DYNC1LI1: variants seen among roughly 807,000 people sequenced by gnomAD.
DYNC1LI1 encodes dynein cytoplasmic 1 light intermediate chain 1, also known as cytoplasmic dynein 1 light intermediate chain 1.
DYNC1LI1 carries 19 observed loss-of-function variants against 63.8 expected under a neutral mutation model. The observed-to-expected ratio is 0.30, with a 90% CI of 0.21 to 0.44. The LOEUF (loss-of-function observed/expected upper bound fraction) is 0.44. Ranked by LOEUF, DYNC1LI1 falls within the 20% of genes least tolerant of loss-of-function variation. DYNC1LI1 has a pLI of 1.00. For synonymous variants in DYNC1LI1, 225 were observed against 232.3 expected, an observed-to-expected ratio of 0.97 and a Z score of 0.28; for missense variants, 565 against 630.2, an observed-to-expected ratio of 0.90 and a Z score of 1.11.
chr3:32,570,460 G>T (rs1443460393), intron 1 of DYNC1LI1, 41 bp from the exon 2 acceptor site: 17 of 1,545,792 alleles, frequency 1.1e-5, no homozygotes, highest in African/African-American at 1.4e-5. Flanking sequence ...GGAGGCCGGA[G>T]CCGCAGCGCG....
At chr3:32,558,768 C>T (rs1339458762) in intron 2 of DYNC1LI1, among the ~76,000 whole-genome samples, 2 of 151,926 alleles carry the variant, frequency 1.3e-5, no homozygotes, top group Non-Finnish European at 1.5e-5. Flanking sequence ...ATCCCTTGAA[C>T]CCAGGAGGCA....
chr3:32,535,142 A>C (rs1445709634), intron 6 of DYNC1LI1, among the ~76,000 whole-genome samples: 2 of 152,190 alleles, frequency 1.3e-5, no homozygotes, highest in Non-Finnish European at 2.9e-5. Context: ...AAAGAAACCC[A>C]ATGTTGAAAG....
chr3:32,533,174 G>A, intron 7 of DYNC1LI1, 77 bp from the exon 8 acceptor site: 7 of 1,444,760 alleles, frequency 4.8e-6, no homozygotes, highest in Non-Finnish European at 6.3e-6. Flanking sequence ...TCATGTAAAA[G>A]GAATACTTTC....
intron 2 of DYNC1LI1, among the ~76,000 whole-genome samples, chr3:32,562,198 G>A (rs1159284418): frequency 1.3e-5 from 2 of 152,130 alleles, no homozygotes; most frequent in African/African-American, 2.4e-5. Context: ...AGGAATTGGA[G>A]GCTGCAGTAA....
At chr3:32,530,568 C>G (rs751789308) in intron 8 of DYNC1LI1, 48 bp from the exon 9 acceptor site, 2 of 1,446,130 alleles carry the variant, frequency 1.4e-6, no homozygotes, top group East Asian at 4.5e-5. Flanking sequence ...ATTATGCTAA[C>G]ACAATTAATA....
At chr3:32,557,440 T>C (rs936630313) in intron 2 of DYNC1LI1, among the ~76,000 whole-genome samples, 72 of 151,896 alleles carry the variant, frequency 4.7e-4, no homozygotes, top group African/African-American at 1.7e-3. Flanking sequence ...GAGAAACACT[T>C]GAATCTAGGA....
intron 7 of DYNC1LI1, among the ~76,000 whole-genome samples, chr3:32,533,805 T>TTCCACC (rs1441391452): frequency 1.3e-5 from 2 of 151,836 alleles, no homozygotes; most frequent in Admixed American, 1.3e-4. Context: ...CAAATAATCC[T>TTCCACC]TCCACCTCAG....
chr3:32,560,045 G>A (rs984472633), intron 2 of DYNC1LI1, among the ~76,000 whole-genome samples: 1 of 152,148 alleles, frequency 6.6e-6, no homozygotes, highest in Non-Finnish European at 1.5e-5. Flanking sequence ...GACACAAAGT[G>A]ACTGTAAGTA....
At chr3:32,558,368 A>C (rs963019673) in intron 2 of DYNC1LI1, among the ~76,000 whole-genome samples, 1 of 148,020 alleles carries the variant, frequency 6.8e-6, no homozygotes, top group Non-Finnish European at 1.5e-5. Context: ...TCTGTCACAC[A>C]TTTTTTGTTT....
At chr3:32,530,419 C>T (rs1010501713) in intron 9 of DYNC1LI1, 42 bp downstream of exon 9, 2 of 1,604,092 alleles carry the variant, frequency 1.2e-6, no homozygotes, top group African/African-American at 2.7e-5. Flanking sequence ...GAACAGTTTA[C>T]CCATTAACCA....
At chr3:32,552,105 T>G (rs1052773576) in intron 2 of DYNC1LI1, among the ~76,000 whole-genome samples, 2 of 152,186 alleles carry the variant, frequency 1.3e-5, no homozygotes, top group African/African-American at 4.8e-5. Context: ...TAATATAAGA[T>G]TCCAACCTCA....
At chr3:32,542,493 C>T (rs1697895876) in intron 4 of DYNC1LI1, among the ~76,000 whole-genome samples, 1 of 151,886 alleles carries the variant, frequency 6.6e-6, no homozygotes, top group Non-Finnish European at 1.5e-5. Flanking sequence ...CTGCAACCCC[C>T]GCCTCCTGCG....
In DYNC1LI1 at chr3:32,538,001, TA is replaced by T. The variant is rs1697814320; in HGVS notation, c.739-898del. Among the ~76,000 whole-genome samples the T allele has an allele frequency of 1.2e-4, 5 of 40,366 alleles. 1 individual carries two copies. Among genetic ancestry groups the T allele is most frequent in the African/African-American group, 6.4e-4 (5 of 7,848 alleles). 26.5% of individuals were successfully genotyped at this position (40,366 alleles called of 152,430 possible). A position where few individuals can be genotyped will look rare whatever the true frequency, so the allele number is the denominator to read the frequency against. Reference sequence around the variant, plus strand: ...ATATATAATATATATATATAATTTATATATATAATATATATATATAATTTAT... The same window carrying T: ...ATATATAATATATATATATAATTTATTATATAATATATATATATAATTTAT... On this transcript the variant is annotated intron_variant, in intron 5 of 12. Coordinates refer to ENST00000273130, the MANE Select transcript of DYNC1LI1 (RefSeq NM_016141.4).
rs183116713 is a variant in DYNC1LI1, at chr3:32,533,409, A to C, written c.969-312T>G. ...GGAGAATCGCTTGAGCCTGGGAGGC[A>C]GGAGCTGAAGTGAGCCGAGATCGCA... On this transcript the variant is annotated intron_variant, in intron 7 of 12. Transcript: ENST00000273130. 2.7e-3 allele frequency among the ~76,000 whole-genome samples: 408 copies of C among 152,286 alleles called. 4 individuals are homozygous for C. The highest frequency in any genetic ancestry group is 9.5e-3 in the African/African-American group (394 of 41,560).
chr3:32,559,378 C>T (rs910696253), intron 2 of DYNC1LI1, among the ~76,000 whole-genome samples: 1 of 152,116 alleles, frequency 6.6e-6, no homozygotes, highest in Non-Finnish European at 1.5e-5. Flanking sequence ...GTAGCTGACA[C>T]TACAGGTGCA....
In DYNC1LI1 at chr3:32,528,479, T is replaced by A; in HGVS notation, c.1429A>T (p.Ser477Cys). The A allele has an allele frequency of 6.2e-7, 1 of 1,614,132 alleles. No individual in the cohort carries two copies. The change falls in exon 12 of 13, where the codon AGC (serine) becomes TGC (cysteine). Residue 477 changes from serine to cysteine, a missense_variant. Transcript: ENST00000273130. ...GSPAGGAGGGSSGLPPSTKKS... is the reference protein window; with the variant it reads ...GSPAGGAGGGCSGLPPSTKKS... ...TTGGTGGATGGTGGTAAACCACTGC[T>A]TCCACCTCCAGCCCCACCTGCAGGG...
In DYNC1LI1 at chr3:32,530,334, A is replaced by C. The variant is rs1421058081; in HGVS notation, c.1141-6T>G. ...GGTTGCTTTGCTAAAAGGGACTGAA[A>C]AAAAAAAAAAAAAAGAATCCTAGTT... On this transcript the variant is annotated splice_region_variant and splice_polypyrimidine_tract_variant and intron_variant, in intron 9 of 12. Coordinates refer to ENST00000273130, the MANE Select transcript of DYNC1LI1 (RefSeq NM_016141.4). 6 of 1,232,600 alleles carry C rather than the reference A, an allele frequency of 4.9e-6. No individual in the cohort carries two copies. Among genetic ancestry groups the C allele is most frequent in the Non-Finnish European group, 6.6e-6 (6 of 905,436 alleles). 76.4% of individuals were successfully genotyped at this position (1,232,600 alleles called of 1,614,324 possible). A position where few individuals can be genotyped will look rare whatever the true frequency, so the allele number is the denominator to read the frequency against.
intron 2 of DYNC1LI1, among the ~76,000 whole-genome samples, chr3:32,547,620 C>T (rs1361510762): frequency 2.0e-5 from 3 of 152,160 alleles, no homozygotes; most frequent in Non-Finnish European, 2.9e-5. Flanking sequence ...AACACACAGG[C>T]ATGCCAAATT....
chr3:32,561,218 T>C (rs1414627163), intron 2 of DYNC1LI1, among the ~76,000 whole-genome samples: 1 of 151,570 alleles, frequency 6.6e-6, no homozygotes, highest in East Asian at 1.9e-4. Context: ...TATTCTACAA[T>C]TAAATCACCT....
Sources: allele counts gnomAD v4.1 joint callset (sites outside exome capture counted in the v4.1 genomes callset), GRCh38; gene constraint gnomAD v4.1.1; transcripts MANE v1.5; gene names NCBI Gene and HGNC (gene_info 2026-07-23, HGNC 2026-07-21).